TYW1B: variants seen among roughly 807,000 people sequenced by gnomAD.
TYW1B encodes tRNA-yW synthesizing protein 1 homolog B.
In TYW1B, 73 loss-of-function variants were observed where a neutral mutation model predicts 86.9. That is an observed-to-expected ratio of 0.84 (90% CI 0.70 to 1.02). The LOEUF (loss-of-function observed/expected upper bound fraction) is 1.02. TYW1B is among the 50% of genes least tolerant of loss of function. TYW1B has a pLI of 0.00. For synonymous variants in TYW1B, 248 were observed against 292.8 expected (o/e 0.85, Z 1.56); for missense variants, 637 against 827.4 (o/e 0.77, Z 2.82).
intron 13 of TYW1B, among the ~76,000 whole-genome samples, chr7:72,610,930 T>C (rs1317109352): frequency 1.3e-5 from 2 of 152,126 alleles, no homozygotes; most frequent in Non-Finnish European, 2.9e-5. Flanking sequence ...TTTAGGGAAA[T>C]AGGGAAAATG....
intron 13 of TYW1B, among the ~76,000 whole-genome samples, chr7:72,607,661 A>T (rs1442969954): frequency 2.0e-5 from 3 of 152,150 alleles, no homozygotes; most frequent in African/African-American, 7.2e-5. Context: ...AGTCTAAAAA[A>T]CAGAGACTAA....
At chr7:72,699,770 C>G (rs1378765107) in intron 10 of TYW1B, among the ~76,000 whole-genome samples, 85 of 152,062 alleles carry the variant, frequency 5.6e-4, no homozygotes, top group Non-Finnish European at 9.7e-4. Context: ...CTACCTCAGC[C>G]TCCCAAGTAG....
intron 9 of TYW1B, among the ~76,000 whole-genome samples, chr7:72,723,400 A>G (rs1321541216): frequency 6.6e-6 from 1 of 152,168 alleles, no homozygotes; most frequent in African/African-American, 2.4e-5. Flanking sequence ...ATTGCCATTT[A>G]TACAAGAAAT....
chr7:72,592,980 T>C (rs1277795202), intron 13 of TYW1B, among the ~76,000 whole-genome samples: 1 of 152,156 alleles, frequency 6.6e-6, no homozygotes, highest in African/African-American at 2.4e-5. Flanking sequence ...TTTTCATAGA[T>C]ACAACAACCA....
At chr7:72,815,533 G>A in intron 2 of TYW1B, 52 bp from the exon 3 acceptor site, 1 of 1,511,678 alleles carries the variant, frequency 6.6e-7, no homozygotes, top group Non-Finnish European at 9.0e-7. Context: ...GCCAAATATA[G>A]CCCTCATTTA....
chr7:72,804,859 T>C (rs1207935762), intron 5 of TYW1B, among the ~76,000 whole-genome samples: 2 of 152,190 alleles, frequency 1.3e-5, no homozygotes. Context: ...AAGCTGGATC[T>C]GGCCAGTGAG....
chr7:72,780,272 G>A (rs572304982), intron 6 of TYW1B, among the ~76,000 whole-genome samples: 3 of 152,088 alleles, frequency 2.0e-5, no homozygotes, highest in Non-Finnish European at 4.4e-5. Flanking sequence ...GCAAAGGTGT[G>A]AGCTTGATAA....
At chr7:72,722,411 C>T (rs879974632) in intron 9 of TYW1B, among the ~76,000 whole-genome samples, 4 of 152,172 alleles carry the variant, frequency 2.6e-5, no homozygotes, top group African/African-American at 4.8e-5. Context: ...CTAAAGAAAC[C>T]TCAGCCCCAT....
At chr7:72,596,014 A>G (rs1203868696) in intron 13 of TYW1B, among the ~76,000 whole-genome samples, 1 of 151,774 alleles carries the variant, frequency 6.6e-6, no homozygotes, top group East Asian at 1.9e-4. Flanking sequence ...CATCTCTACT[A>G]AAAACACAAA....
At chr7:72,642,653 A>G (rs1232179515) in intron 11 of TYW1B, among the ~76,000 whole-genome samples, 1 of 152,258 alleles carries the variant, frequency 6.6e-6, no homozygotes, top group Non-Finnish European at 1.5e-5. Flanking sequence ...CTGTAATCCC[A>G]GCACTTTGGG....
chr7:72,614,637 A>T (rs1812024813), intron 13 of TYW1B, among the ~76,000 whole-genome samples: 1 of 151,856 alleles, frequency 6.6e-6, no homozygotes, highest in Admixed American at 6.6e-5. Flanking sequence ...CATCTTAAAA[A>T]AAAAAAAAAA....
At chr7:72,701,510 C>T (rs1297850696) in intron 10 of TYW1B, among the ~76,000 whole-genome samples, 7 of 152,134 alleles carry the variant, frequency 4.6e-5, no homozygotes, top group Admixed American at 3.9e-4. Context: ...ACAACCCTCC[C>T]GTCCCAGCCT....
intron 13 of TYW1B, among the ~76,000 whole-genome samples, chr7:72,602,884 AC>A (rs1811700661): frequency 7.4e-6 from 1 of 135,382 alleles, no homozygotes; most frequent in Non-Finnish European, 1.6e-5. Flanking sequence ...ACACACACAC[AC>A]AATGTTGATG....
intron 7 of TYW1B, among the ~76,000 whole-genome samples, chr7:72,747,905 G>A (rs185067675): frequency 6.6e-6 from 1 of 151,974 alleles, no homozygotes; most frequent in Non-Finnish European, 1.5e-5. Flanking sequence ...AATGTAAATC[G>A]AAGCATATTA....
chr7:72,604,514 A>C (rs1334352713), intron 13 of TYW1B, among the ~76,000 whole-genome samples: 6 of 152,088 alleles, frequency 3.9e-5, no homozygotes, highest in Non-Finnish European at 5.9e-5. Flanking sequence ...GTTTTGAAAC[A>C]CTGCTATGTG....
In TYW1B at chr7:72,744,564, G is replaced by A; in HGVS notation, c.1002C>T (p.His334=). ...APRERSLLQT[H]ILWNESHRCM... ...AGCGATGGCTCTCATTCCATAGAAT[G>A]TGTGTTTGTAACAAGCTCCTCTCCC... Residue 334 remains histidine (H), a synonymous_variant, in exon 8 of 14, where the codon CAC becomes CAT. Transcript: ENST00000620995. The A allele has an allele frequency of 6.2e-7, 1 of 1,613,466 alleles. No homozygotes were observed. Among genetic ancestry groups the A allele is most frequent in the East Asian group, 2.2e-5 (1 of 44,878 alleles).
chr7:72,774,730 C>T (rs1413370082), intron 7 of TYW1B, among the ~76,000 whole-genome samples: 1 of 151,644 alleles, frequency 6.6e-6, no homozygotes, highest in Admixed American at 6.6e-5. Context: ...GACTCCGTCT[C>T]AAAATAAATA....
intron 8 of TYW1B, among the ~76,000 whole-genome samples, chr7:72,743,599 T>C (rs1428739993): frequency 6.6e-6 from 1 of 152,054 alleles, no homozygotes; most frequent in Non-Finnish European, 1.5e-5. Context: ...ATCCCAGCAC[T>C]TTGGGAGGCC....
chr7:72,635,086 T>C (rs71218202), intron 11 of TYW1B, among the ~76,000 whole-genome samples: 6 of 150,990 alleles, frequency 4.0e-5, no homozygotes, highest in South Asian at 2.1e-4. Flanking sequence ...GATAAGCTCT[T>C]ACATTTTTTT....
Sources: gnomAD v4.1 joint callset for allele counts (sites outside exome capture counted in the v4.1 genomes callset) on GRCh38, gnomAD v4.1.1 for gene constraint, MANE v1.5 for transcripts, NCBI Gene and HGNC (gene_info 2026-07-23, HGNC 2026-07-21) for gene names.